Variants in DOT1L observed in about 807,000 individuals in gnomAD.
The protein encoded by DOT1L is histone-lysine N-methyltransferase, H3 lysine-79 specific.
A neutral mutation model predicts 153.3 loss-of-function variants in DOT1L; 33 were observed. That is an observed-to-expected ratio of 0.22 (90% CI 0.16 to 0.29). The LOEUF is 0.29. Ranked by LOEUF, DOT1L falls within the 10% of genes least tolerant of loss-of-function variation. DOT1L has a pLI of 1.00. For missense variants in DOT1L, 1,847 were observed against 2,119.9 expected (o/e 0.87, Z 2.53); for synonymous variants, 1,135 against 965.1 (o/e 1.18, Z -3.26).
In DOT1L at chr19:2,176,796, G is replaced by A. The variant is rs145840286; in HGVS notation, c.82-3917G>A. 2.1e-3 allele frequency among the ~76,000 whole-genome samples: 321 copies of A among 152,350 alleles called. 3 individuals carry two copies. The highest frequency in any genetic ancestry group is 7.4e-3 in the African/African-American group (307 of 41,592). ...CAAGAAAACTCTGAAACCAGGCGAG[G>A]CAGGGCCCTCTGTCAGATGATCACT... On this transcript the variant is annotated intron_variant, in intron 1 of 27. Coordinates refer to ENST00000398665, the MANE Select transcript of DOT1L (RefSeq NM_032482.3).
chr19:2,181,903 C>T (rs916808692), intron 2 of DOT1L, among the ~76,000 whole-genome samples: 10 of 152,160 alleles, frequency 6.6e-5, no homozygotes, highest in African/African-American at 1.2e-4. Context: ...TGTGGGTGCT[C>T]CTCACAGAGG....
chr19:2,222,327 C>T lies in DOT1L; in HGVS notation c.3158C>T (p.Ala1053Val), dbSNP rs368825067. 36 of 1,612,918 alleles carry T rather than the reference C, an allele frequency of 2.2e-5. 1 individual carries two copies. Among genetic ancestry groups the T allele is most frequent in the South Asian group, 1.6e-4 (15 of 91,078 alleles). Residue 1053 changes from alanine (A) to valine (V), a missense_variant, in exon 24 of 28, where the codon GCG (alanine) becomes GTG (valine). Coordinates refer to ENST00000398665, the MANE Select transcript of DOT1L (RefSeq NM_032482.3). The surrounding 1 kb of genome is among the most constrained non-coding windows in gnomAD (Gnocchi z 6.5). Reference sequence around the variant, plus strand: ...ATTGTGTTCACCATCACCACTGGTGCGGGCAGTGCCAAGCAGTCGCCCTCC... The same window carrying T: ...ATTGTGTTCACCATCACCACTGGTGTGGGCAGTGCCAAGCAGTCGCCCTCC... ...RRIVFTITTG[A>V]GSAKQSPSSK...
chr19:2,227,070 C>T lies in DOT1L; in HGVS notation c.4549C>T (p.Leu1517=), dbSNP rs1266548542. The T allele has an allele frequency of 3.8e-6, 6 of 1,568,482 alleles. No homozygotes were observed. Among genetic ancestry groups the T allele is most frequent in the Non-Finnish European group, 1.7e-6 (2 of 1,162,364 alleles). ...GCACGTGTCGTCCGCTGCCACCAGA[C>T]TGACCAACTCGCACGCCATGGGCAG... ...LVHVSSAATR[L]TNSHAMGSFS... is the part of the protein sequence containing the mutation. The change falls in exon 27 of 28, where the codon CTG becomes TTG. Residue 1517 remains leucine, a synonymous_variant. Coordinates refer to ENST00000398665, the MANE Select transcript of DOT1L (RefSeq NM_032482.3).
At chr19:2,175,954 G>A (rs2021909226) in intron 1 of DOT1L, among the ~76,000 whole-genome samples, 1 of 152,160 alleles carries the variant, frequency 6.6e-6, no homozygotes, top group African/African-American at 2.4e-5. Context: ...TAGACCAGGA[G>A]TACGAACCCA....
chr19:2,210,014 CT>C (rs2023651030), intron 12 of DOT1L, among the ~76,000 whole-genome samples: 1 of 150,806 alleles, frequency 6.6e-6, no homozygotes, highest in South Asian at 2.1e-4. Flanking sequence ...GCCTCGGTGC[CT>C]TTCGAAGAGA....
intron 9 of DOT1L, among the ~76,000 whole-genome samples, chr19:2,205,999 G>GT (rs889419457): frequency 8.2e-5 from 12 of 146,692 alleles, no homozygotes; most frequent in East Asian, 4.1e-4. Context: ...AGCGTAGTGG[G>GT]TTTTTTTTTT....
chr19:2,187,866 G>A (rs1425978545), intron 3 of DOT1L, among the ~76,000 whole-genome samples: 3 of 150,456 alleles, frequency 2.0e-5, no homozygotes, highest in Non-Finnish European at 4.4e-5. Flanking sequence ...AGCTTGCAGT[G>A]AGCTGAGATC....
chr19:2,223,470 G>A lies in DOT1L; in HGVS notation c.3580G>A (p.Glu1194Lys), dbSNP rs1462122341. Residue 1194 changes from glutamate (E) to lysine (K), a missense_variant, in exon 25 of 28, where the codon GAG (glutamate) becomes AAG (lysine). Physicochemically the swap from Glu to Lys is moderately conservative, Grantham distance 56. Coordinates refer to ENST00000398665, the MANE Select transcript of DOT1L (RefSeq NM_032482.3). ...TSDEEPGSED[E>K]PSSARIERKI... ...AGACGAGGAGCCAGGCTCTGAGGAC[G>A]AGCCCAGCAGTGCTCGGCGAGTCCA... 4 of 1,611,724 alleles carry A rather than the reference G, an allele frequency of 2.5e-6. No homozygotes were observed. The highest frequency in any genetic ancestry group is 2.5e-6 in the Non-Finnish European group (3 of 1,179,686).
rs1016826242 is a variant in DOT1L at position 2,192,088 on chromosome 19, C to T, written c.493+848C>T. On this transcript the variant is annotated intron_variant, in intron 5 of 27. Transcript: ENST00000398665. ...CTAGGCTGTCCCTGGGCTCCTTGGA[C>T]CTCGATGGACATGTGAACCTTGTGC... 5.9e-5 allele frequency among the ~76,000 whole-genome samples: 9 copies of T among 152,240 alleles called. No individual in the cohort carries two copies. In the East Asian group the frequency reaches 1.2e-3, roughly 20 times the overall value.
intron 25 of DOT1L, among the ~76,000 whole-genome samples, chr19:2,223,992 C>T (rs936861323): frequency 1.2e-4 from 19 of 152,196 alleles, no homozygotes; most frequent in African/African-American, 4.6e-4. Flanking sequence ...CCAAGAGCCC[C>T]TGGCACCCCC....
At chr19:2,185,716 C>T in intron 2 of DOT1L, 139 bp from the exon 3 acceptor site, 2 of 846,086 alleles carry the variant, frequency 2.4e-6, no homozygotes, top group Non-Finnish European at 1.9e-6. Context: ...TTGCAGTGAG[C>T]CAAGATCACG....
chr19:2,169,749 C>G (rs151103959), intron 1 of DOT1L, among the ~76,000 whole-genome samples: 121 of 152,306 alleles, frequency 7.9e-4, no homozygotes, highest in African/African-American at 2.8e-3. Context: ...GGTTGCAGTC[C>G]TCAAATGTGG....
At chr19:2,169,237 T>C (rs1028140609) in intron 1 of DOT1L, among the ~76,000 whole-genome samples, 1 of 152,036 alleles carries the variant, frequency 6.6e-6, no homozygotes, top group Non-Finnish European at 1.5e-5. Flanking sequence ...CAGAAGGTAT[T>C]TTCTGCTGCT....
chr19:2,164,552 G>A, intron 1 of DOT1L: 1 of 263,934 alleles, frequency 3.8e-6, no homozygotes, highest in East Asian at 6.2e-5. Flanking sequence ...CGGAACGGAA[G>A]GGGTAACTCG....
At chr19:2,224,189 G>T (rs1268147503) in intron 25 of DOT1L, among the ~76,000 whole-genome samples, 1 of 152,212 alleles carries the variant, frequency 6.6e-6, no homozygotes, top group Non-Finnish European at 1.5e-5. Context: ...TGCTAGGCTT[G>T]CTTACCCTGG....
In DOT1L at chr19:2,171,603, C is replaced by T. The variant is rs557826845; in HGVS notation, c.81+7338C>T. On this transcript the variant is annotated intron_variant, in intron 1 of 27. Transcript: ENST00000398665. ...GCTGTGCCTTTCATCGCCTGGGGTCCCGGGCACCGACCGCCGCCGGGTGTC... is the reference window on the plus strand; with the variant it reads ...GCTGTGCCTTTCATCGCCTGGGGTCTCGGGCACCGACCGCCGCCGGGTGTC... Among the ~76,000 whole-genome samples, 16 of 152,290 alleles carry T rather than the reference C, an allele frequency of 1.1e-4. No homozygotes were observed. In the East Asian group the frequency reaches 2.7e-3, roughly 26 times the overall value.
chr19:2,224,478 T>C (rs1223086859), intron 25 of DOT1L, among the ~76,000 whole-genome samples: 9 of 151,446 alleles, frequency 5.9e-5, no homozygotes, highest in Admixed American at 2.0e-4. Flanking sequence ...TTTTTTTTTT[T>C]TTCCTGAGAC....
intron 25 of DOT1L, among the ~76,000 whole-genome samples, chr19:2,224,158 CCA>C (rs1328385612): frequency 3.3e-5 from 5 of 152,222 alleles, no homozygotes; most frequent in African/African-American, 1.2e-4. Flanking sequence ...GGGTGGTGCT[CCA>C]CCATCCATCC....
chr19:2,175,798 T>G (rs185272976), intron 1 of DOT1L, among the ~76,000 whole-genome samples: 1 of 152,066 alleles, frequency 6.6e-6, no homozygotes, highest in East Asian at 1.9e-4. Flanking sequence ...CCATTGAACC[T>G]GGGAGGTAGA....
Sources: allele counts gnomAD v4.1 joint callset (sites outside exome capture counted in the v4.1 genomes callset), GRCh38; gene constraint gnomAD v4.1.1; non-coding constraint Gnocchi (gnomAD v3.1); transcripts MANE v1.5; gene names NCBI Gene and HGNC (gene_info 2026-07-23, HGNC 2026-07-21).